Variants in XYLT1 observed in about 807,000 individuals in gnomAD.
XYLT1 encodes the protein xylosyltransferase 1.
A neutral mutation model predicts 91.3 loss-of-function variants in XYLT1; 36 were observed. That is an observed-to-expected ratio of 0.39 (90% confidence interval 0.30 to 0.52). The LOEUF (loss-of-function observed/expected upper bound fraction) is 0.52, where lower values mean the gene tolerates loss of function less well. XYLT1 is among the 20% of genes least tolerant of loss of function. XYLT1 has a pLI of 0.68. For synonymous variants in XYLT1, 588 were observed against 532.0 expected, an observed-to-expected ratio of 1.11 and a Z score of -1.45; for missense variants, 1,242 against 1,284.5, an observed-to-expected ratio of 0.97 and a Z score of 0.51.
rs546995737 is a variant in XYLT1 at position 17,348,878 on chromosome 16, G to A, written c.402+9134C>T. Among the ~76,000 whole-genome samples, 50 of 152,302 alleles carry A rather than the reference G, an allele frequency of 3.3e-4. 2 individuals are homozygous for A. In the South Asian group the frequency reaches 8.1e-3, roughly 25 times the overall value. On this transcript the variant is annotated intron_variant, in intron 2 of 11. Transcript: ENST00000261381. ...GCCCCAAAACCCCATGGAGAAGATC[G>A]CTTCAGCTTCAAAGATCTTGGTGCG...
intron 2 of XYLT1, among the ~76,000 whole-genome samples, chr16:17,308,176 T>C (rs766469115): frequency 3.2e-4 from 48 of 152,284 alleles, no homozygotes; most frequent in Non-Finnish European, 5.3e-4. Context: ...CCAGTTCCTG[T>C]AGACACATCC....
intron 2 of XYLT1, among the ~76,000 whole-genome samples, chr16:17,356,007 C>T (rs1352487190): frequency 6.6e-6 from 1 of 152,108 alleles, no homozygotes; most frequent in African/African-American, 2.4e-5. Flanking sequence ...GCCACCGTGC[C>T]AGGCCCAGGA....
chr16:17,398,493 G>C (rs557265479), intron 1 of XYLT1, among the ~76,000 whole-genome samples: 1 of 152,140 alleles, frequency 6.6e-6, no homozygotes, highest in South Asian at 2.1e-4. Context: ...GATTTTTTTC[G>C]GGGAGTAGAT....
In XYLT1 at chr16:17,259,208, C is replaced by T. The variant is rs1205898146; in HGVS notation, c.693G>A (p.Lys231=). 2 of 1,613,880 alleles carry T rather than the reference C, an allele frequency of 1.2e-6. No individual in the cohort carries two copies. The highest frequency in any genetic ancestry group is 1.7e-6 in the Non-Finnish European group (2 of 1,179,940). Residue 231 remains lysine, a synonymous_variant, in exon 3 of 12, where the codon AAG becomes AAA. Transcript: ENST00000261381. Reference sequence around the variant, plus strand: ...TGGCATGAGGCGGTCTGGACACATCCTTCCCGTGGCTGCTGTTGGCTGCGG... The same window carrying T: ...TGGCATGAGGCGGTCTGGACACATCTTTCCCGTGGCTGCTGTTGGCTGCGG... ...DRAAANSSHG[K]DVSRPPHARK...
At chr16:17,309,422 G>A (rs887970952) in intron 2 of XYLT1, among the ~76,000 whole-genome samples, 7 of 152,160 alleles carry the variant, frequency 4.6e-5, no homozygotes, top group African/African-American at 1.7e-4. Flanking sequence ...CAGGGATGGA[G>A]GGGAGAGGGA....
In XYLT1 at chr16:17,112,112, T is replaced by C. The variant is rs544605271; in HGVS notation, c.2558-3095A>G. Among the ~76,000 whole-genome samples the C allele has an allele frequency of 9.9e-5, 15 of 152,264 alleles. No individual in the cohort carries two copies. In the South Asian group the frequency reaches 2.9e-3, roughly 29 times the overall value. The stretch of plus-strand genomic sequence containing the variant: ...CCTGCGAACGCTGGGAGCCAAATAT[T>C]GTGGTTGATGCAAAAAAACCCTTAT... On this transcript the variant is annotated intron_variant, in intron 11 of 11. Transcript: ENST00000261381.
In XYLT1 at chr16:17,108,927, A is replaced by G; in HGVS notation, c.2648T>C (p.Ile883Thr). 6.3e-7 allele frequency: 1 copy of G among 1,599,220 alleles called. No individual in the cohort carries two copies. The highest frequency in any genetic ancestry group is 8.6e-7 in the Non-Finnish European group (1 of 1,169,122). ...QSLNPVLSLP[I>T]NPAQVEQARR... ...TGCCTGTTCCACCTGGGCGGGGTTG[A>G]TGGGCAGGCTGAGGACGGGGTTTAG... The change falls in exon 12 of 12, where the codon ATC becomes ACC. Residue 883 changes from isoleucine (I) to threonine (T), a missense_variant. By Grantham distance (89) the Ile-to-Thr change is moderately conservative. This residue lies in a region of XYLT1 where 511 missense variants were observed against 497.0 expected (regional missense o/e 1.03). Coordinates refer to ENST00000261381, the MANE Select transcript of XYLT1 (RefSeq NM_022166.4).
At chr16:17,212,100 G>GCAGCAT (rs1245857601) in intron 3 of XYLT1, among the ~76,000 whole-genome samples, 4 of 152,210 alleles carry the variant, frequency 2.6e-5, no homozygotes, top group African/African-American at 9.6e-5. Context: ...TCTCTGATGA[G>GCAGCAT]CAGCATCAGC....
chr16:17,201,047 G>C (rs920554188), intron 3 of XYLT1, among the ~76,000 whole-genome samples: 6 of 152,180 alleles, frequency 3.9e-5, no homozygotes, highest in Non-Finnish European at 7.3e-5. Flanking sequence ...TGCCTGTCCA[G>C]AATTCATTCT....
At chr16:17,370,077 G>A (rs1009249757) in intron 1 of XYLT1, among the ~76,000 whole-genome samples, 9 of 152,142 alleles carry the variant, frequency 5.9e-5, no homozygotes, top group African/African-American at 1.7e-4. Context: ...CAACAGGAGG[G>A]GGCCAGAGGA....
chr16:17,356,312 G>C (rs562418967), intron 2 of XYLT1, among the ~76,000 whole-genome samples: 1 of 152,268 alleles, frequency 6.6e-6, no homozygotes, highest in Admixed American at 6.5e-5. Context: ...GGTGGTCAAG[G>C]TGATAAGGAC....
chr16:17,179,348 C>A (rs8061170), intron 5 of XYLT1, among the ~76,000 whole-genome samples: 75,994 of 151,958 alleles, frequency 0.5, 21,436 homozygotes, highest in African/African-American at 0.75. Context: ...CTATGTAACA[C>A]ACCTGCACAT....
chr16:17,158,052 T>A (rs1458818587), intron 6 of XYLT1, among the ~76,000 whole-genome samples: 2 of 152,210 alleles, frequency 1.3e-5, no homozygotes, highest in African/African-American at 4.8e-5. Flanking sequence ...TGGCCTTTAA[T>A]GGTATTTTCT....
At chr16:17,147,290 T>A (rs1450230245) in intron 6 of XYLT1, among the ~76,000 whole-genome samples, 1 of 152,216 alleles carries the variant, frequency 6.6e-6, no homozygotes, top group Non-Finnish European at 1.5e-5. Flanking sequence ...TAACCATGCT[T>A]GAAACTTTCA....
At chr16:17,233,399 C>T (rs969401322) in intron 3 of XYLT1, among the ~76,000 whole-genome samples, 1 of 152,210 alleles carries the variant, frequency 6.6e-6, no homozygotes, top group Non-Finnish European at 1.5e-5. Context: ...GCCTGGTTTC[C>T]CGCTGCAAGC....
At chr16:17,411,897 T>G (rs1049615623) in intron 1 of XYLT1, among the ~76,000 whole-genome samples, 3 of 152,084 alleles carry the variant, frequency 2.0e-5, no homozygotes, top group African/African-American at 7.2e-5. Flanking sequence ...ACTCTCAAAT[T>G]CTACTGCTGA....
intron 2 of XYLT1, among the ~76,000 whole-genome samples, chr16:17,296,062 C>G (rs187759092): frequency 6.7e-6 from 1 of 149,452 alleles, no homozygotes; most frequent in African/African-American, 2.5e-5. Flanking sequence ...TTTCTCCCTG[C>G]GCCAAAAGCA....
intron 9 of XYLT1, among the ~76,000 whole-genome samples, chr16:17,133,336 AAAG>A (rs1002637694): frequency 1.3e-5 from 2 of 152,226 alleles, no homozygotes; most frequent in Non-Finnish European, 2.9e-5. Context: ...TGAACAAGAA[AAAG>A]AAGGAGAGTG....
At chr16:17,235,608 T>A (rs1055289087) in intron 3 of XYLT1, among the ~76,000 whole-genome samples, 2 of 152,222 alleles carry the variant, frequency 1.3e-5, no homozygotes, top group African/African-American at 4.8e-5. Flanking sequence ...GTAGAAATTA[T>A]GCATTCAGGA....
Sources: gnomAD v4.1 joint callset for allele counts (sites outside exome capture counted in the v4.1 genomes callset) on GRCh38, gnomAD v4.1.1 for gene constraint, gnomAD v4.1.1 regional missense constraint, MANE v1.5 for transcripts, NCBI Gene and HGNC (gene_info 2026-07-23, HGNC 2026-07-21) for gene names.